Variants in HS1BP3 observed in about 807,000 individuals in gnomAD.
HS1BP3 encodes the protein HCLS1 binding protein 3.
In HS1BP3, 32 loss-of-function variants were observed where a neutral mutation model predicts 33.5. The observed-to-expected ratio is 0.95, with a 90% CI of 0.72 to 1.28. The LOEUF (loss-of-function observed/expected upper bound fraction) is 1.28. Among genes scored for constraint, HS1BP3 ranks in the 50% most tolerant of loss-of-function variants. HS1BP3 has a pLI of 0.00. For synonymous variants in HS1BP3, 187 were observed against 209.2 expected (o/e 0.89, Z 0.92); for missense variants, 486 against 502.3 (o/e 0.97, Z 0.31).
downstream of HS1BP3, among the ~76,000 whole-genome samples, chr2:20,588,633 G>A (rs1693739317): frequency 1.3e-5 from 2 of 152,198 alleles, no homozygotes; most frequent in Non-Finnish European, 2.9e-5. Context: ...AGCCTTCCAA[G>A]CCGATTTTTC....
chr2:20,569,857 C>T (rs897665470), intron 5 of HS1BP3, among the ~76,000 whole-genome samples: 3 of 152,318 alleles, frequency 2.0e-5, no homozygotes, highest in African/African-American at 7.2e-5. Context: ...TTTGCCCCAC[C>T]GCCTCTCTCT....
At position 20,581,639 on chromosome 2, in the gene HS1BP3, C is replaced by T. The variant is rs191308024; in HGVS notation, c.303-21124G>A. ...TGCTGGGATTACAGGCATGAGCCAC[C>T]GCACCCAGCCAACACACCTTTATTA... On this transcript the variant is annotated intron_variant, in intron 5 of 5. Coordinates refer to the HS1BP3 transcript ENST00000446825. Among the ~76,000 whole-genome samples the T allele has an allele frequency of 7.8e-4, 119 of 152,332 alleles. 1 individual carries two copies. Among genetic ancestry groups the T allele is most frequent in the African/African-American group, 2.4e-3 (101 of 41,574 alleles).
At chr2:20,582,614 C>A (rs1459796215) in intron 5 of HS1BP3, among the ~76,000 whole-genome samples, 7 of 152,136 alleles carry the variant, frequency 4.6e-5, no homozygotes, top group Admixed American at 4.6e-4. Flanking sequence ...CTCTGCACCC[C>A]CATCCTTGGC....
chr2:20,595,420 C>G (rs1693920257), intron 3 of HS1BP3, among the ~76,000 whole-genome samples: 1 of 152,188 alleles, frequency 6.6e-6, no homozygotes, highest in Non-Finnish European at 1.5e-5. Context: ...TATCATCCTC[C>G]TCCTCCTCAC....
chr2:20,648,297 A>G (rs918649886), intron 1 of HS1BP3, among the ~76,000 whole-genome samples: 2 of 152,016 alleles, frequency 1.3e-5, no homozygotes, highest in Non-Finnish European at 2.9e-5. Context: ...CCCCATATTC[A>G]TGGGTTCCTC....
intron 5 of HS1BP3, among the ~76,000 whole-genome samples, chr2:20,570,286 T>C (rs1215365120): frequency 6.6e-6 from 1 of 152,230 alleles, no homozygotes; most frequent in Non-Finnish European, 1.5e-5. Context: ...TTTCCAACTT[T>C]ATAGAATGCT....
At chr2:20,620,049 G>A (rs1034830123) in intron 6 of HS1BP3, among the ~76,000 whole-genome samples, 8 of 152,188 alleles carry the variant, frequency 5.3e-5, no homozygotes, top group African/African-American at 1.9e-4. Flanking sequence ...CCATCCCTGG[G>A]TACTGAGGGC....
At chr2:20,631,795 C>T (rs1267578574) in intron 4 of HS1BP3, among the ~76,000 whole-genome samples, 3 of 152,146 alleles carry the variant, frequency 2.0e-5, no homozygotes, top group African/African-American at 4.8e-5. Context: ...CAGGGAACCA[C>T]GTGGGTCCCA....
chr2:20,629,671 G>A (rs1028655387), intron 4 of HS1BP3, among the ~76,000 whole-genome samples: 5 of 152,234 alleles, frequency 3.3e-5, no homozygotes, highest in Non-Finnish European at 7.3e-5. Flanking sequence ...GGGTGCTCCT[G>A]GATGGATTGC....
intron 2 of HS1BP3, among the ~76,000 whole-genome samples, chr2:20,601,084 C>T (rs1694060318): frequency 6.6e-6 from 1 of 152,216 alleles, no homozygotes; most frequent in Non-Finnish European, 1.5e-5. Context: ...TGCATATTCT[C>T]ATGCCTTCTT....
chr2:20,585,371 T>G (rs1480387658), intron 5 of HS1BP3, among the ~76,000 whole-genome samples: 1 of 150,608 alleles, frequency 6.6e-6, no homozygotes, highest in Non-Finnish European at 1.5e-5. Flanking sequence ...GTGCCTCCTT[T>G]TACTCTCGAG....
intron 2 of HS1BP3, among the ~76,000 whole-genome samples, chr2:20,642,146 G>A (rs1048231005): frequency 2.0e-5 from 3 of 152,190 alleles, no homozygotes; most frequent in East Asian, 1.9e-4. Context: ...TGTCTCCCCC[G>A]ACTGAAGTGT....
At chr2:20,626,445 A>G (rs1694787036) in intron 4 of HS1BP3, among the ~76,000 whole-genome samples, 1 of 152,242 alleles carries the variant, frequency 6.6e-6, no homozygotes, top group Non-Finnish European at 1.5e-5. Context: ...CCAAGGCCAC[A>G]CAGCAGGGAA....
At chr2:20,638,797 C>T (rs1572358030) in intron 3 of HS1BP3, 145 bp from the exon 4 acceptor site, 3 of 652,092 alleles carry the variant, frequency 4.6e-6, no homozygotes, top group East Asian at 5.5e-5. Flanking sequence ...CCTCCTGGGA[C>T]CTAAGCAGGA....
chr2:20,649,944 T>C (rs920950927), intron 1 of HS1BP3, among the ~76,000 whole-genome samples: 1 of 152,204 alleles, frequency 6.6e-6, no homozygotes, highest in Admixed American at 6.5e-5. Context: ...CTGAGGGGCA[T>C]ATACTACTGA....
intron 5 of HS1BP3, among the ~76,000 whole-genome samples, chr2:20,577,877 C>T (rs982975056): frequency 1.6e-4 from 24 of 152,364 alleles, no homozygotes; most frequent in African/African-American, 5.5e-4. Context: ...ATCAATGATT[C>T]ATATGCTGAT....
chr2:20,565,034 A>C (rs543459327), intron 5 of HS1BP3, among the ~76,000 whole-genome samples: 1 of 152,306 alleles, frequency 6.6e-6, no homozygotes, highest in East Asian at 1.9e-4. Flanking sequence ...GCAACAGCCC[A>C]GACTGGGATC....
Position 20,624,726 on chromosome 2 carries a change from A to G in HS1BP3, c.784+6T>C, listed in dbSNP as rs766245754. 9 of 1,587,294 alleles carry G rather than the reference A, an allele frequency of 5.7e-6. No individual in the cohort carries two copies. Among genetic ancestry groups the G allele is most frequent in the Middle Eastern group, 1.7e-4 (1 of 5,924 alleles). The stretch of plus-strand genomic sequence containing the variant: ...CACCAGGAGCAGACCATGGGGCTCT[A>G]CTTACGGTCCACGGATGACACGTCC... On this transcript the variant is annotated splice_donor_region_variant and intron_variant, in intron 5 of 6. Transcript: ENST00000304031.
At chr2:20,560,947 C>A (rs957568930) in intron 5 of HS1BP3, among the ~76,000 whole-genome samples, 1 of 152,056 alleles carries the variant, frequency 6.6e-6, no homozygotes, top group African/African-American at 2.4e-5. Context: ...CTGAGAATGA[C>A]CCTGGGGCAA....
Sources: gnomAD v4.1 joint callset for allele counts (sites outside exome capture counted in the v4.1 genomes callset) on GRCh38, gnomAD v4.1.1 for gene constraint, MANE v1.5 for transcripts, NCBI Gene and HGNC (gene_info 2026-07-23, HGNC 2026-07-21) for gene names.